Variants in IGSF11 observed in about 807,000 individuals in gnomAD.
The protein encoded by IGSF11 is CXADR like 1.
In IGSF11, 22 loss-of-function variants were observed where a neutral mutation model predicts 41.0. The ratio of observed to expected loss-of-function variants is 0.54; its 90% CI spans 0.38 to 0.77. IGSF11 has a LOEUF of 0.77. Among genes scored for constraint, IGSF11 ranks in the 30% least tolerant of loss-of-function variants. The pLI, the probability that IGSF11 is intolerant of heterozygous loss-of-function variation, is 0.00. For synonymous variants in IGSF11, 219 were observed against 201.3 expected (o/e 1.09, Z -0.74); for missense variants, 444 against 530.8 (o/e 0.84, Z 1.61).
chr3:118,976,149 C>A (rs1576533047), intron 1 of IGSF11, among the ~76,000 whole-genome samples: 1 of 152,132 alleles, frequency 6.6e-6, no homozygotes, highest in Non-Finnish European at 1.5e-5. Flanking sequence ...GTATGCATTT[C>A]ATGGTTTGGT....
intron 1 of IGSF11, chr3:118,947,566 G>A (rs184343470): frequency 1.2e-4 from 18 of 152,218 alleles, no homozygotes; most frequent in Admixed American, 7.8e-4. Context: ...GATAAAGCTG[G>A]CTATAAATTC....
At chr3:118,933,470 T>TTATATATATATATATATA (rs1553754813) in intron 1 of IGSF11, among the ~76,000 whole-genome samples, 83 of 146,158 alleles carry the variant, frequency 5.7e-4, no homozygotes, top group Admixed American at 3.1e-3. Flanking sequence ...CATGTATTTT[T>TTATATATATATATATATA]TATATATATA....
chr3:118,929,921 C>A (rs553619363), intron 2 of IGSF11, among the ~76,000 whole-genome samples, 191 bp downstream of exon 2: 2 of 152,240 alleles, frequency 1.3e-5, no homozygotes, highest in East Asian at 3.9e-4. Context: ...ACATCTGTTA[C>A]CTTTTTAAAA....
At chr3:118,952,951 A>G (rs117029196) in intron 1 of IGSF11, among the ~76,000 whole-genome samples, 3,748 of 152,086 alleles carry the variant, frequency 0.025, 87 homozygotes, top group East Asian at 0.066. Context: ...GTTTGGTTAC[A>G]TGGATAAGTG....
chr3:119,072,638 C>T (rs898206930), intron 1 of IGSF11, among the ~76,000 whole-genome samples: 13 of 152,226 alleles, frequency 8.5e-5, no homozygotes, highest in Non-Finnish European at 1.8e-4. Context: ...TAAGGCAGTG[C>T]GTCTGGAGTT....
intron 1 of IGSF11, among the ~76,000 whole-genome samples, chr3:119,135,972 C>G (rs2077555646): frequency 6.6e-6 from 1 of 152,136 alleles, no homozygotes; most frequent in Non-Finnish European, 1.5e-5. Flanking sequence ...GACAGAAAAC[C>G]AAACACCACA....
At chr3:119,051,821 A>C (rs1941638989) in intron 1 of IGSF11, among the ~76,000 whole-genome samples, 1 of 152,216 alleles carries the variant, frequency 6.6e-6, no homozygotes, top group Non-Finnish European at 1.5e-5. Context: ...TAACTCCAAA[A>C]GGAACCCTGA....
chr3:119,061,719 C>A (rs373189027), intron 1 of IGSF11, among the ~76,000 whole-genome samples: 3 of 152,150 alleles, frequency 2.0e-5, no homozygotes, highest in Admixed American at 6.5e-5. Flanking sequence ...ACTAAGACAA[C>A]TAACTTCAAA....
intron 1 of IGSF11, among the ~76,000 whole-genome samples, chr3:118,973,461 A>T (rs968655289): frequency 1.3e-5 from 2 of 152,208 alleles, no homozygotes; most frequent in Admixed American, 1.3e-4. Flanking sequence ...GGAGTGAAAT[A>T]AAAACCCAAC....
chr3:118,950,889 G>A (rs983358766), intron 1 of IGSF11, among the ~76,000 whole-genome samples: 1 of 152,128 alleles, frequency 6.6e-6, no homozygotes, highest in African/African-American at 2.4e-5. Flanking sequence ...CTGCTTGGGA[G>A]CAGATTAACA....
At chr3:119,070,996 C>T (rs148447805) in intron 1 of IGSF11, among the ~76,000 whole-genome samples, 1 of 152,134 alleles carries the variant, frequency 6.6e-6, no homozygotes, top group East Asian at 1.9e-4. Context: ...AACAGAATAC[C>T]CATATGAGTA....
chr3:118,926,022 CTAT>C (rs1942256683), intron 4 of IGSF11, 76 bp downstream of exon 4: 12 of 1,104,270 alleles, frequency 1.1e-5, no homozygotes, highest in Non-Finnish European at 1.4e-5. Flanking sequence ...TTTTCAAAAC[CTAT>C]TAAAGTTAAT....
chr3:118,956,098 C>G (rs1944935774), intron 1 of IGSF11, among the ~76,000 whole-genome samples: 1 of 152,188 alleles, frequency 6.6e-6, no homozygotes, highest in Non-Finnish European at 1.5e-5. Context: ...GAACCAACCT[C>G]TGCTAGCTTC....
intron 1 of IGSF11, among the ~76,000 whole-genome samples, chr3:118,979,863 G>A (rs773601761): frequency 6.6e-6 from 1 of 152,008 alleles, no homozygotes; most frequent in Non-Finnish European, 1.5e-5. Flanking sequence ...GACGTACATA[G>A]AAATTTTCAA....
intron 1 of IGSF11, chr3:118,946,092 C>T (rs905589322): frequency 2.6e-5 from 4 of 151,976 alleles, no homozygotes; most frequent in African/African-American, 7.3e-5. Context: ...CCTTATTGTG[C>T]TTTTCCTTAT....
At chr3:119,126,457 G>A (rs944355209) in intron 1 of IGSF11, among the ~76,000 whole-genome samples, 3 of 152,224 alleles carry the variant, frequency 2.0e-5, no homozygotes, top group Non-Finnish European at 4.4e-5. Flanking sequence ...TGGTTCTGAG[G>A]AATCCAGGCA....
chr3:119,117,197 C>A (rs202116578), intron 1 of IGSF11, among the ~76,000 whole-genome samples: 177 of 135,470 alleles, frequency 1.3e-3, no homozygotes, highest in African/African-American at 4.3e-3. Context: ...TGGAAGTTAT[C>A]AAAAAAAAAA....
chr3:118,930,403 C>CTG, intron 1 of IGSF11, 128 bp from the exon 2 acceptor site: 9 of 849,890 alleles, frequency 1.1e-5, no homozygotes, highest in Non-Finnish European at 1.5e-5. Context: ...ACATGATAGT[C>CTG]TTAACAACTG....
At chr3:119,022,252 G>C (rs1373311072) in intron 1 of IGSF11, among the ~76,000 whole-genome samples, 1 of 152,172 alleles carries the variant, frequency 6.6e-6, no homozygotes, top group South Asian at 2.1e-4. Flanking sequence ...ATAAGAAGTA[G>C]ATTAGAGGTT....
Sources: allele counts gnomAD v4.1 joint callset (sites outside exome capture counted in the v4.1 genomes callset), GRCh38; gene constraint gnomAD v4.1.1; transcripts MANE v1.5; gene names NCBI Gene and HGNC (gene_info 2026-07-23, HGNC 2026-07-21).